The following PCDHGA4 variants were observed in gnomAD, a reference collection of about 807,000 sequenced individuals.
PCDHGA4 encodes the protein protocadherin gamma-A4.
Under a neutral mutation model 54.6 loss-of-function variants are expected in PCDHGA4, and 38 were observed. That is an observed-to-expected ratio of 0.70 (90% CI 0.54 to 0.91). The LOEUF is 0.91. Among genes scored for constraint, PCDHGA4 ranks in the 40% least tolerant of loss-of-function variants. The pLI is 0.00. For synonymous variants in PCDHGA4, 511 were observed against 512.9 expected (o/e 1.00, Z 0.05); for missense variants, 1,298 against 1,220.9 (o/e 1.06, Z -0.94).
rs780328813 is a variant in PCDHGA4 at position 141,361,800 on chromosome 5, C to T, written c.2514+4179C>T. The T allele has an allele frequency of 5.6e-6, 9 of 1,613,078 alleles. No homozygotes were observed. The East Asian group carries it at 2.0e-4, about 36-fold the overall frequency. On this transcript the variant is annotated intron_variant, in intron 1 of 3. Coordinates refer to ENST00000571252, the MANE Select transcript of PCDHGA4 (RefSeq NM_018917.4). The stretch of plus-strand genomic sequence containing the variant: ...GCCTGCGCGTGTTAGTGGGCGACCT[C>T]AATGACAATGCGCCACGGGTGCTGT...
intron 1 of PCDHGA4, chr5:141,412,214 A>G (rs1196919276): frequency 6.6e-6 from 1 of 152,196 alleles, no homozygotes; most frequent in African/African-American, 2.4e-5. Context: ...TGACATAAAC[A>G]CTTACTTGTT....
intron 1 of PCDHGA4, chr5:141,383,599 G>A: frequency 1.9e-6 from 3 of 1,613,742 alleles, no homozygotes; most frequent in Non-Finnish European, 2.5e-6. Context: ...GACAGTGGTG[G>A]ATGTGAATGA....
intron 1 of PCDHGA4, chr5:141,372,157 T>A: frequency 2.5e-6 from 4 of 1,613,774 alleles, no homozygotes; most frequent in Non-Finnish European, 3.4e-6. Flanking sequence ...GGCTACCTGG[T>A]GACCAAGGTG....
Position 141,499,370 on chromosome 5 carries a change from A to T in PCDHGA4, c.2573+4505A>T, listed in dbSNP as rs546430948. ...CATTCAACAAACAAATAGCAACTTA[A>T]TTTTTTTCCACTTATAAAATAGTAC... On this transcript the variant is annotated intron_variant, in intron 2 of 3. Coordinates refer to ENST00000571252, the MANE Select transcript of PCDHGA4 (RefSeq NM_018917.4). 2.0e-3 allele frequency among the ~76,000 whole-genome samples: 300 copies of T among 152,286 alleles called. 1 individual carries two copies. The highest frequency in any genetic ancestry group is 2.7e-3 in the Non-Finnish European group (184 of 68,028).
At chr5:141,394,545 G>A in intron 1 of PCDHGA4, 1 of 1,614,164 alleles carries the variant, frequency 6.2e-7, no homozygotes, top group South Asian at 1.1e-5. Flanking sequence ...CGTGGAGCTG[G>A]CGCCCCGCTC....
chr5:141,433,837 C>CAA (rs56191208), intron 1 of PCDHGA4, among the ~76,000 whole-genome samples: 9,379 of 111,452 alleles, frequency 0.084, 424 homozygotes, highest in African/African-American at 0.14. Flanking sequence ...AACTCTATCT[C>CAA]AAAAAAAAAA....
chr5:141,399,314 A>G, intron 1 of PCDHGA4: 1 of 1,613,988 alleles, frequency 6.2e-7, no homozygotes, highest in African/African-American at 1.3e-5. Flanking sequence ...TCATCCAAAA[A>G]TTCGTATAAG....
chr5:141,415,031 G>T lies in PCDHGA4; in HGVS notation c.2514+57410G>T, dbSNP rs982540695. The T allele has an allele frequency of 6.2e-6, 10 of 1,613,464 alleles. No individual in the cohort carries two copies. The highest frequency in any genetic ancestry group is 6.8e-6 in the Non-Finnish European group (8 of 1,179,984). On this transcript the variant is annotated intron_variant, in intron 1 of 3. Transcript: ENST00000571252. ...CGTCTGCTCAAGGCCAGCGAGCCGGGACTCTTCGCGGTGGGGGAGCACACG... is the reference window on the plus strand; with the variant it reads ...CGTCTGCTCAAGGCCAGCGAGCCGGTACTCTTCGCGGTGGGGGAGCACACG...
chr5:141,431,725 G>A lies in PCDHGA4; in HGVS notation c.2515-63082G>A. The A allele has an allele frequency of 6.2e-7, 1 of 1,614,230 alleles. No individual in the cohort carries two copies. Among genetic ancestry groups the A allele is most frequent in the Non-Finnish European group, 8.5e-7 (1 of 1,180,044 alleles). On this transcript the variant is annotated intron_variant, in intron 1 of 3. Coordinates refer to ENST00000571252, the MANE Select transcript of PCDHGA4 (RefSeq NM_018917.4). The surrounding 1 kb of genome is among the most constrained non-coding windows in gnomAD (Gnocchi z 4.8). Reference sequence around the variant, plus strand: ...TCTACCAGATGGAAGTGCAAGCAATGGATAATGCAGGATATTCTGCGCGAG... The same window carrying A: ...TCTACCAGATGGAAGTGCAAGCAATAGATAATGCAGGATATTCTGCGCGAG...
intron 1 of PCDHGA4, among the ~76,000 whole-genome samples, chr5:141,472,889 G>A (rs1163806093): frequency 6.6e-6 from 1 of 151,392 alleles, no homozygotes; most frequent in Non-Finnish European, 1.5e-5. Context: ...GGGAGGCTGA[G>A]GCAGGAGAAT....
intron 1 of PCDHGA4, chr5:141,426,612 G>A (rs2096947310): frequency 2.6e-6 from 1 of 384,602 alleles, no homozygotes; most frequent in Non-Finnish European, 5.3e-6. Flanking sequence ...GATTGTAGCA[G>A]AGAATCCTCT....
At chr5:141,365,104 C>T (rs775966290) in intron 1 of PCDHGA4, 1 of 1,613,874 alleles carries the variant, frequency 6.2e-7, no homozygotes, top group Non-Finnish European at 8.5e-7. Context: ...TACCTGTGGG[C>T]ACTCGGCTGC....
chr5:141,506,435 G>T (rs1470687416), intron 3 of PCDHGA4, among the ~76,000 whole-genome samples: 1 of 126,234 alleles, frequency 7.9e-6, no homozygotes, highest in Non-Finnish European at 1.6e-5. Context: ...CAACAGTCTC[G>T]CTCTGTCTCA....
rs140933475 is a variant in PCDHGA4 at position 141,477,405 on chromosome 5, G to A, written c.2515-17402G>A. The A allele has an allele frequency of 3.8e-4, 608 of 1,614,076 alleles. No individual in the cohort carries two copies. The highest frequency in any genetic ancestry group is 4.6e-4 in the Non-Finnish European group (540 of 1,180,022). On this transcript the variant is annotated intron_variant, in intron 1 of 3. Transcript: ENST00000571252. This position sits in a 1 kb window ranked among gnomAD's most constrained non-coding sequence, Gnocchi z 4.9. ...GAATACAACCTCAGCATCACCGCCC[G>A]AGACGCCGGAACCCCTTCCCTCTCA...
intron 2 of PCDHGA4, among the ~76,000 whole-genome samples, chr5:141,505,145 G>A (rs540889707): frequency 1.3e-5 from 2 of 152,288 alleles, no homozygotes; most frequent in East Asian, 3.9e-4. Flanking sequence ...CTGGATGACA[G>A]AGTAAGACCC....
intron 1 of PCDHGA4, chr5:141,395,454 C>T (rs75588357): frequency 0.043 from 25,805 of 605,332 alleles, 669 homozygotes; most frequent in South Asian, 0.075. Flanking sequence ...ATTGTTCAAC[C>T]ATTTTAAGCC....
chr5:141,366,101 G>A lies in PCDHGA4; in HGVS notation c.2514+8480G>A, dbSNP rs372607743. On this transcript the variant is annotated intron_variant, in intron 1 of 3. Coordinates refer to ENST00000571252, the MANE Select transcript of PCDHGA4 (RefSeq NM_018917.4). ...AGAACCTGGCTACCTGGTGACCAAG[G>A]TGGTAGCGGTGGACAAAGATTCAGG... 3.2e-5 allele frequency: 52 copies of A among 1,614,128 alleles called. No individual in the cohort carries two copies. Among genetic ancestry groups the A allele is most frequent in the Non-Finnish European group, 4.1e-5 (48 of 1,180,056 alleles).
At chr5:141,401,213 G>T (rs1259778152) in intron 1 of PCDHGA4, among the ~76,000 whole-genome samples, 2 of 152,014 alleles carry the variant, frequency 1.3e-5, no homozygotes, top group African/African-American at 4.8e-5. Flanking sequence ...GTGGTGGCGG[G>T]CGCCTGTAAT....
intron 1 of PCDHGA4, among the ~76,000 whole-genome samples, chr5:141,420,701 T>C (rs371823252): frequency 7.2e-5 from 11 of 152,226 alleles, no homozygotes; most frequent in Admixed American, 5.9e-4. Flanking sequence ...TATTTCCACT[T>C]CCAGAAATGT....
Sources: allele counts gnomAD v4.1 joint callset (sites outside exome capture counted in the v4.1 genomes callset), GRCh38; gene constraint gnomAD v4.1.1; non-coding constraint Gnocchi (gnomAD v3.1); transcripts MANE v1.5; gene names NCBI Gene and HGNC (gene_info 2026-07-23, HGNC 2026-07-21).